The following GDPD5 variants were observed in gnomAD, a reference collection of about 807,000 sequenced individuals.
GDPD5 encodes the protein glycerophosphodiester phosphodiesterase domain containing 5.
GDPD5 carries 48 observed loss-of-function variants against 75.1 expected under a neutral mutation model. The observed-to-expected ratio is 0.64, with a 90% CI of 0.51 to 0.81. GDPD5 has a LOEUF of 0.81. Ranked by LOEUF, GDPD5 falls within the 40% of genes least tolerant of loss-of-function variation. The pLI, the probability that GDPD5 is intolerant of heterozygous loss-of-function variation, is 0.00. For missense variants in GDPD5, 706 were observed against 822.6 expected (o/e 0.86, Z 1.73); for synonymous variants, 336 against 339.0 (o/e 0.99, Z 0.10).
At chr11:75,521,879 C>A (rs141043581) in intron 1 of GDPD5, among the ~76,000 whole-genome samples, 2 of 152,238 alleles carry the variant, frequency 1.3e-5, no homozygotes, top group East Asian at 3.9e-4. Context: ...GAAGGCCGGG[C>A]AGAGGCTAAG....
chr11:75,468,527 T>C (rs1182141655), intron 3 of GDPD5, among the ~76,000 whole-genome samples: 1 of 152,232 alleles, frequency 6.6e-6, no homozygotes, highest in Non-Finnish European at 1.5e-5. Flanking sequence ...CTGAGTGACC[T>C]TGGGGAAGAC....
At chr11:75,522,790 AT>A (rs1236320796) in intron 1 of GDPD5, among the ~76,000 whole-genome samples, 1 of 151,992 alleles carries the variant, frequency 6.6e-6, no homozygotes, top group Non-Finnish European at 1.5e-5. Context: ...GGGAGTATTA[AT>A]TATTCACTGC....
At chr11:75,500,235 TG>T (rs1216946657) in intron 1 of GDPD5, among the ~76,000 whole-genome samples, 1 of 152,150 alleles carries the variant, frequency 6.6e-6, no homozygotes, top group African/African-American at 2.4e-5. Context: ...TGAGCAGGCC[TG>T]GGGCTCATGC....
In GDPD5 at chr11:75,457,600, T is replaced by C. The variant is rs918188559; in HGVS notation, c.315+93A>G. 13 of 912,520 alleles carry C rather than the reference T, an allele frequency of 1.4e-5. No homozygotes were observed. The African/African-American group carries it at 1.6e-4, about 12-fold the overall frequency. The allele number at this position is 912,520 out of a possible 1,614,324, so 56.5% of individuals were successfully genotyped here. A position where few individuals can be genotyped will look rare whatever the true frequency, so the allele number is the denominator to read the frequency against. The stretch of plus-strand genomic sequence containing the variant: ...CCTACAAATACAGCTTTCCCCTTTA[T>C]ACCAGGGTGGGACCCTCCATCAGCC... On this transcript the variant is annotated intron_variant, in intron 5 of 16. Transcript: ENST00000336898.
chr11:75,510,336 G>A (rs1050371036), intron 1 of GDPD5, among the ~76,000 whole-genome samples: 2 of 152,214 alleles, frequency 1.3e-5, no homozygotes, highest in Non-Finnish European at 1.5e-5. Flanking sequence ...TGAGGAACCC[G>A]AGGCCTACAG....
Position 75,477,720 on chromosome 11 carries a change from G to A in GDPD5, c.16C>T (p.Pro6Ser). ...AGCTGTGGCTCGTAGTACTGCAGGG[G>A]CTGGTGTCTCACCATACTCGTGCCC... Reference protein sequence around the residue: MVRHQPLQYYEPQLCL... With the variant: MVRHQSLQYYEPQLCL... The change falls in exon 3 of 17, where the codon CCC becomes TCC. Residue 6 changes from proline (P) to serine (S), a missense_variant. Pro to Ser is a moderately conservative substitution (Grantham distance 74, BLOSUM62 -1). Transcript: ENST00000336898. The A allele has an allele frequency of 6.3e-7, 1 of 1,584,978 alleles. No individual in the cohort carries two copies. The highest frequency in any genetic ancestry group is 1.1e-5 in the South Asian group (1 of 88,930).
In GDPD5 at chr11:75,435,517, C is replaced by T; in HGVS notation, c.1808G>A (p.Ser603Asn). Residue 603 changes from serine to asparagine, a missense_variant, in exon 17 of 17, where the codon AGT becomes AAT. By Grantham distance (46) the Ser-to-Asn change is conservative. Coordinates refer to ENST00000336898, the MANE Select transcript of GDPD5 (RefSeq NM_030792.8). ...CAGACATGTCTTCAGCTAACGCCCACTCCGCTCTATGAGGGTCTTGGTGTG... is the reference window on the plus strand; with the variant it reads ...CAGACATGTCTTCAGCTAACGCCCATTCCGCTCTATGAGGGTCTTGGTGTG... ...GSHTKTLIER[S>N]GR The T allele has an allele frequency of 6.2e-7, 1 of 1,607,338 alleles. No homozygotes were observed. The highest frequency in any genetic ancestry group is 8.5e-7 in the Non-Finnish European group (1 of 1,176,912).
intron 15 of GDPD5, 91 bp from the exon 16 acceptor site, chr11:75,437,139 G>T (rs1592048429): frequency 1.1e-5 from 10 of 895,042 alleles, no homozygotes; most frequent in Middle Eastern, 2.8e-4. Context: ...TCTGGATGTG[G>T]CCCAAGAGAC....
Position 75,441,246 on chromosome 11 carries a change from G to C in GDPD5, c.1390C>G (p.Leu464Val). The C allele has an allele frequency of 6.2e-7, 1 of 1,614,178 alleles. No individual in the cohort carries two copies. Among genetic ancestry groups the C allele is most frequent in the Non-Finnish European group, 8.5e-7 (1 of 1,180,024 alleles). Residue 464 changes from leucine (L) to valine (V), a missense_variant, in exon 14 of 17, where the codon CTG becomes GTG. Coordinates refer to ENST00000336898, the MANE Select transcript of GDPD5 (RefSeq NM_030792.8). Reference protein sequence around the residue: ...YTVNAPWLFSLLWCAGVPSVT... With the variant: ...YTVNAPWLFSVLWCAGVPSVT... ...GATGGGACCCCCGCACACCACAGCA[G>C]GGAGAAGAGCCACGGTGCGTTGACT...
At chr11:75,524,034 G>A (rs1430846780) in intron 1 of GDPD5, among the ~76,000 whole-genome samples, 1 of 152,218 alleles carries the variant, frequency 6.6e-6, no homozygotes, top group African/African-American at 2.4e-5. Flanking sequence ...CCATGCCAAG[G>A]GCTCTTTCAC....
At chr11:75,450,022 GGT>G (rs1243021947) in intron 6 of GDPD5, 39 bp from the exon 7 acceptor site, 15 of 1,561,806 alleles carry the variant, frequency 9.6e-6, no homozygotes, top group Non-Finnish European at 3.5e-6. Context: ...GCTCAGAGCG[GGT>G]GGGAGGGTTC....
chr11:75,488,537 C>G (rs912169868), intron 2 of GDPD5, among the ~76,000 whole-genome samples: 1 of 152,014 alleles, frequency 6.6e-6, no homozygotes, highest in African/African-American at 2.4e-5. Flanking sequence ...CCTCTCCTAC[C>G]CCTCCTTGTA....
chr11:75,468,989 C>T (rs1949593541), intron 3 of GDPD5, among the ~76,000 whole-genome samples: 1 of 152,198 alleles, frequency 6.6e-6, no homozygotes, highest in South Asian at 2.1e-4. Context: ...CTGTAAGTCG[C>T]CAAATCCAGG....
At chr11:75,516,664 G>A (rs1393514910) in intron 1 of GDPD5, among the ~76,000 whole-genome samples, 3 of 152,194 alleles carry the variant, frequency 2.0e-5, no homozygotes, top group African/African-American at 7.2e-5. Flanking sequence ...CCCAGCAAGT[G>A]CATGCACCAA....
intron 14 of GDPD5, among the ~76,000 whole-genome samples, 195 bp from the exon 15 acceptor site, chr11:75,440,156 CGT>C (rs1727433457): frequency 6.6e-6 from 1 of 152,104 alleles, no homozygotes; most frequent in Non-Finnish European, 1.5e-5. Flanking sequence ...GGGGCCGGGG[CGT>C]GTGTGTGCAC....
intron 1 of GDPD5, chr11:75,508,484 GGCA>G (rs1447800291): frequency 2.0e-5 from 3 of 152,306 alleles, no homozygotes; most frequent in Non-Finnish European, 2.9e-5. Flanking sequence ...GAGAGCCCCA[GGCA>G]CAAATTCAAG....
chr11:75,519,732 T>C (rs1018587143), intron 1 of GDPD5, among the ~76,000 whole-genome samples: 1 of 152,216 alleles, frequency 6.6e-6, no homozygotes, highest in African/African-American at 2.4e-5. Context: ...CAGCCACAGA[T>C]ACTGATGGGA....
chr11:75,490,518 T>G (rs1950089615), intron 1 of GDPD5, 198 bp from the exon 2 acceptor site: 1 of 152,274 alleles, frequency 6.6e-6, no homozygotes, highest in Non-Finnish European at 1.5e-5. Flanking sequence ...ATACGTGATC[T>G]AATACCCAGC....
At chr11:75,511,688 T>C (rs913651229) in intron 1 of GDPD5, among the ~76,000 whole-genome samples, 1 of 152,260 alleles carries the variant, frequency 6.6e-6, no homozygotes, top group South Asian at 2.1e-4. Flanking sequence ...GCACTGACCA[T>C]TTGACAGAGG....
Sources: allele counts gnomAD v4.1 joint callset (sites outside exome capture counted in the v4.1 genomes callset), GRCh38; gene constraint gnomAD v4.1.1; transcripts MANE v1.5; gene names NCBI Gene and HGNC (gene_info 2026-07-23, HGNC 2026-07-21).